Variants in SLC29A3 observed in about 807,000 individuals in gnomAD.
The protein encoded by SLC29A3 is equilibrative nucleoside transporter 3.
Under a neutral mutation model 25.4 loss-of-function variants are expected in SLC29A3, and 18 were observed. The ratio of observed to expected loss-of-function variants is 0.71; its 90% confidence interval spans 0.49 to 1.05. SLC29A3 has a LOEUF of 1.05. SLC29A3 is among the 50% of genes least tolerant of loss of function. SLC29A3 has a pLI of 0.00. For missense variants in SLC29A3, 586 were observed against 609.0 expected, an observed-to-expected ratio of 0.96 and a Z score of 0.40; for synonymous variants, 258 against 267.1, an observed-to-expected ratio of 0.97 and a Z score of 0.33.
intron 2 of SLC29A3, among the ~76,000 whole-genome samples, chr10:71,326,507 AGCCGTGGTAAAT>A (rs1845975084): frequency 6.6e-6 from 1 of 152,290 alleles, no homozygotes; most frequent in East Asian, 1.9e-4. Context: ...GCTTTCTGCC[AGCCGTGGTAAAT>A]CACCTGGCCT....
chr10:71,363,808 C>CTTT (rs71012277), downstream of SLC29A3, among the ~76,000 whole-genome samples: 48,141 of 101,892 alleles, frequency 0.47, 13,819 homozygotes, highest in Non-Finnish European at 0.54. Context: ...TTTCCTTTTT[C>CTTT]TTTTCTTTTT....
intron 5 of SLC29A3, among the ~76,000 whole-genome samples, chr10:71,358,516 G>C (rs377056792): frequency 6.6e-6 from 1 of 152,018 alleles, no homozygotes; most frequent in Non-Finnish European, 1.5e-5. Context: ...TGACGTCCCC[G>C]TGCTTCCTGT....
chr10:71,322,168 A>G (rs946374736), intron 1 of SLC29A3, among the ~76,000 whole-genome samples: 2 of 151,280 alleles, frequency 1.3e-5, no homozygotes, highest in Non-Finnish European at 2.9e-5. Context: ...CTCCTTAGAG[A>G]CAGCCACTGT....
intron 2 of SLC29A3, among the ~76,000 whole-genome samples, chr10:71,342,826 C>T (rs1197923165): frequency 2.0e-5 from 3 of 152,226 alleles, no homozygotes; most frequent in African/African-American, 4.8e-5. Flanking sequence ...TCATGGTTGA[C>T]GGACCTCACT....
At chr10:71,337,821 C>T (rs974156245) in intron 2 of SLC29A3, among the ~76,000 whole-genome samples, 1 of 152,232 alleles carries the variant, frequency 6.6e-6, no homozygotes, top group Non-Finnish European at 1.5e-5. Flanking sequence ...CACGGAGCCT[C>T]TCAGTGTGGC....
At chr10:71,361,838 G>C in intron 5 of SLC29A3, 116 bp from the exon 6 acceptor site, 1 of 1,247,034 alleles carries the variant, frequency 8.0e-7, no homozygotes, top group African/African-American at 1.5e-5. Context: ...GTGGGCATAC[G>C]GGGCTTGGGC....
intron 2 of SLC29A3, among the ~76,000 whole-genome samples, chr10:71,333,669 G>A (rs111858569): frequency 7.2e-5 from 11 of 152,268 alleles, no homozygotes; most frequent in African/African-American, 2.2e-4. Context: ...AAGCCTGCCC[G>A]GTCAGGCAAG....
intron 3 of SLC29A3, among the ~76,000 whole-genome samples, chr10:71,371,651 C>T (rs1023191879): frequency 2.2e-4 from 34 of 152,216 alleles, no homozygotes; most frequent in African/African-American, 8.0e-4. Flanking sequence ...TGATTTTGAA[C>T]CCCGACTCTA....
intron 2 of SLC29A3, among the ~76,000 whole-genome samples, chr10:71,341,381 C>A (rs1846406126): frequency 6.6e-6 from 1 of 152,214 alleles, no homozygotes; most frequent in South Asian, 2.1e-4. Context: ...GCACATGCCA[C>A]CTGCAAAAAC....
At chr10:71,370,948 T>A (rs1847207288) in intron 3 of SLC29A3, among the ~76,000 whole-genome samples, 1 of 152,110 alleles carries the variant, frequency 6.6e-6, no homozygotes, top group East Asian at 1.9e-4. Flanking sequence ...TTATTATTTA[T>A]TTTTTAATTT....
At chr10:71,349,355 T>C (rs1846683956) in intron 3 of SLC29A3, among the ~76,000 whole-genome samples, 1 of 152,166 alleles carries the variant, frequency 6.6e-6, no homozygotes, top group Admixed American at 6.5e-5. Context: ...CCTCCATGTC[T>C]AGCCTCGCCC....
intron 2 of SLC29A3, among the ~76,000 whole-genome samples, chr10:71,342,802 G>C (rs1248462276): frequency 1.3e-5 from 2 of 152,228 alleles, no homozygotes; most frequent in African/African-American, 2.4e-5. Context: ...CAGCTCAAAG[G>C]CTATTTCTCA....
intron 1 of SLC29A3, among the ~76,000 whole-genome samples, chr10:71,322,489 T>C (rs371306776): frequency 2.0e-5 from 3 of 152,372 alleles, no homozygotes; most frequent in African/African-American, 7.2e-5. Context: ...TCCACAGTTA[T>C]GTGCTACTGC....
At chr10:71,331,034 A>G (rs1307705708) in intron 2 of SLC29A3, among the ~76,000 whole-genome samples, 3 of 152,128 alleles carry the variant, frequency 2.0e-5, no homozygotes, top group Non-Finnish European at 4.4e-5. Flanking sequence ...CCAGTGCTTT[A>G]TATCAGCATT....
rs143073667 is a variant in SLC29A3 at position 71,370,488 on chromosome 10, C to T, written c.*95-5207C>T. ...GTTCCGGAGGCCCAAGGAGATTGAACGTCCTCAGTGCTGTCCTTCTTATTT... is the reference window on the plus strand; with the variant it reads ...GTTCCGGAGGCCCAAGGAGATTGAATGTCCTCAGTGCTGTCCTTCTTATTT... On this transcript the variant is annotated intron_variant and NMD_transcript_variant, in intron 3 of 4. Transcript: ENST00000642772. 7.4e-3 allele frequency among the ~76,000 whole-genome samples: 1,130 copies of T among 152,232 alleles called. 11 individuals carry two copies. The highest frequency in any genetic ancestry group is 0.025 in the African/African-American group (1,048 of 41,538).
downstream of SLC29A3, among the ~76,000 whole-genome samples, chr10:71,367,893 C>G (rs533623201): frequency 4.1e-4 from 62 of 152,308 alleles, no homozygotes; most frequent in African/African-American, 1.5e-3. Flanking sequence ...AGCTGGGTCA[C>G]TTTAGCCACG....
intron 4 of SLC29A3, among the ~76,000 whole-genome samples, chr10:71,377,823 G>C (rs567376024): frequency 1.6e-5 from 2 of 124,192 alleles, no homozygotes; most frequent in South Asian, 2.6e-4. Flanking sequence ...TCTTTGCAAG[G>C]ATTACTTAAT....
intron 2 of SLC29A3, among the ~76,000 whole-genome samples, chr10:71,337,014 G>A (rs942713693): frequency 6.6e-6 from 1 of 152,150 alleles, no homozygotes; most frequent in Non-Finnish European, 1.5e-5. Flanking sequence ...CAGTGGCTTC[G>A]TCTGTCTGGC....
At chr10:71,331,437 A>T (rs1214898393) in intron 2 of SLC29A3, among the ~76,000 whole-genome samples, 1 of 152,188 alleles carries the variant, frequency 6.6e-6, no homozygotes, top group Non-Finnish European at 1.5e-5. Context: ...AATACGAGAG[A>T]CATAGCAGGC....
Sources: gnomAD v4.1 joint callset for allele counts (sites outside exome capture counted in the v4.1 genomes callset) on GRCh38, gnomAD v4.1.1 for gene constraint, MANE v1.5 for transcripts, NCBI Gene and HGNC (gene_info 2026-07-23, HGNC 2026-07-21) for gene names.